CNOT1: variants seen among roughly 807,000 people sequenced by gnomAD.
The protein encoded by CNOT1 is CCR4-NOT transcription complex subunit 1, also known as CCR4-associated factor 1.
A neutral mutation model predicts 273.8 loss-of-function variants in CNOT1; 15 were observed. That is an observed-to-expected ratio of 0.05 (90% CI 0.04 to 0.08). The LOEUF (loss-of-function observed/expected upper bound fraction) is 0.08, where lower values mean the gene tolerates loss of function less well. CNOT1 is among the 10% of genes least tolerant of loss of function. The pLI is 1.00. For synonymous variants in CNOT1, 1,022 were observed against 1,005.5 expected (o/e 1.02, Z -0.31); for missense variants, 1,644 against 2,912.2 (o/e 0.56, Z 10.02).
At chr16:58,603,407 AAGTGTG>A (rs1458586481) in intron 1 of CNOT1, among the ~76,000 whole-genome samples, 15,604 of 126,208 alleles carry the variant, frequency 0.12, 1,144 homozygotes, top group Non-Finnish European at 0.16. Context: ...TACAATTTAA[AAGTGTG>A]TGTGTGTGTG....
At chr16:58,546,589 C>A in intron 28 of CNOT1, 83 bp downstream of exon 28, 1 of 1,608,264 alleles carries the variant, frequency 6.2e-7, no homozygotes, top group East Asian at 2.2e-5. Flanking sequence ...ATAGTACTTC[C>A]CCCGAAATAC....
chr16:58,545,009 C>A (rs1470616622), intron 30 of CNOT1, among the ~76,000 whole-genome samples: 1 of 152,134 alleles, frequency 6.6e-6, no homozygotes, highest in African/African-American at 2.4e-5. Flanking sequence ...TGGCTTACTG[C>A]AGAAGGCTAA....
rs1308243969 is a variant in CNOT1 at position 58,520,520 on chromosome 16, A to G, written c.*438T>C. On this transcript the variant is annotated 3_prime_UTR_variant, in exon 49 of 49. Transcript: ENST00000317147. ...CCTGTCCACATTAAAAAAATAAGTT[A>G]CATAATATTCAAACTGGCTTTTTGC... 5.8e-6 allele frequency: 1 copy of G among 171,784 alleles called. No individual in the cohort carries two copies. Among genetic ancestry groups the G allele is most frequent in the African/African-American group, 2.4e-5 (1 of 42,074 alleles). 10.6% of individuals were successfully genotyped at this position (171,784 alleles called of 1,614,324 possible).
intron 23 of CNOT1, 23 bp from the exon 24 acceptor site, chr16:58,551,295 A>G (rs920367564): frequency 3.9e-6 from 6 of 1,549,394 alleles, no homozygotes; most frequent in Admixed American, 2.2e-5. Context: ...AATAAAGTAC[A>G]TAAGGCAAAT....
At chr16:58,535,717 T>C (rs1359429193) in intron 39 of CNOT1, among the ~76,000 whole-genome samples, 1 of 152,078 alleles carries the variant, frequency 6.6e-6, no homozygotes, top group African/African-American at 2.4e-5. Flanking sequence ...TTTTGAAAAG[T>C]AAACCTAATT....
rs2151904602 is a variant in CNOT1, at chr16:58,532,351, A to G, written c.5940T>C (p.Val1980=). The G allele has an allele frequency of 1.9e-6, 3 of 1,614,210 alleles. No individual in the cohort carries two copies. The highest frequency in any genetic ancestry group is 2.2e-5 in the South Asian group (2 of 91,082). ...GAAGTTGCTGAAATTCACTCTGACG[A>G]ACATCATGATCCTGAAGGAGAACTC... ...VVGVLLQDHD[V]RQSEFQQLPY... is the part of the protein sequence containing the mutation. The change falls in exon 41 of 49, where the codon GTT becomes GTC. Residue 1980 remains valine (V), a synonymous_variant. Transcript: ENST00000317147.
chr16:58,623,607 G>A (rs1410252299), intron 1 of CNOT1, among the ~76,000 whole-genome samples: 1 of 152,190 alleles, frequency 6.6e-6, no homozygotes, highest in Non-Finnish European at 1.5e-5. Context: ...GAGGCACAGT[G>A]TAGCCAGGGG....
chr16:58,543,182 C>A, intron 31 of CNOT1: 4 of 1,455,756 alleles, frequency 2.7e-6, no homozygotes, highest in South Asian at 1.3e-5. Context: ...AATTATTAAC[C>A]ATGATATCTG....
chr16:58,579,081 T>C, intron 12 of CNOT1, 142 bp from the exon 13 acceptor site: 2 of 1,423,110 alleles, frequency 1.4e-6, no homozygotes, highest in Non-Finnish European at 1.8e-6. Context: ...TCCACAGCAC[T>C]CTCTTTAAGA....
intron 4 of CNOT1, 74 bp downstream of exon 4, chr16:58,587,706 T>A: frequency 6.8e-7 from 1 of 1,478,956 alleles, no homozygotes; most frequent in Non-Finnish European, 9.2e-7. Context: ...CATCACATTA[T>A]GAGATCAAGG....
chr16:58,545,287 G>GT, intron 30 of CNOT1, 74 bp downstream of exon 30: 1 of 1,581,318 alleles, frequency 6.3e-7, no homozygotes, highest in Non-Finnish European at 8.6e-7. Context: ...GCAAAGAGCT[G>GT]AAGAAAAGGT....
intron 14 of CNOT1, 48 bp downstream of exon 14, chr16:58,576,415 T>C: frequency 1.2e-6 from 2 of 1,610,612 alleles, no homozygotes; most frequent in Middle Eastern, 1.7e-4. Context: ...CCGGCCTTTT[T>C]TTCTCATTAG....
chr16:58,521,716 C>A (rs1428682952), intron 47 of CNOT1, among the ~76,000 whole-genome samples: 3 of 152,096 alleles, frequency 2.0e-5, no homozygotes, highest in Non-Finnish European at 2.9e-5. Flanking sequence ...CTTTGGGAGG[C>A]CGAGGCAGGT....
intron 1 of CNOT1, among the ~76,000 whole-genome samples, chr16:58,622,094 C>T (rs1597622688): frequency 2.0e-5 from 3 of 150,676 alleles, no homozygotes; most frequent in Admixed American, 6.7e-5. Flanking sequence ...GGGTGGATCA[C>T]GAGGTCAGGA....
intron 27 of CNOT1, 52 bp from the exon 28 acceptor site, chr16:58,546,801 GATT>G: frequency 6.2e-7 from 1 of 1,608,680 alleles, no homozygotes; most frequent in Non-Finnish European, 8.5e-7. Flanking sequence ...CTTTAATTTG[GATT>G]ATTTAAAACA....
chr16:58,577,940 A>C (rs2041518108), intron 13 of CNOT1, among the ~76,000 whole-genome samples: 1 of 152,206 alleles, frequency 6.6e-6, no homozygotes, highest in Non-Finnish European at 1.5e-5. Context: ...GGTAAAAAGC[A>C]CAGGGGCTTG....
intron 47 of CNOT1, 108 bp downstream of exon 47, chr16:58,523,262 A>G (rs563366105): frequency 1.6e-6 from 2 of 1,272,594 alleles, no homozygotes; most frequent in Non-Finnish European, 2.1e-6. Flanking sequence ...CAAAAAAAAA[A>G]CCAACCAAAC....
intron 22 of CNOT1, 94 bp downstream of exon 22, chr16:58,553,688 T>G: frequency 7.1e-7 from 1 of 1,409,828 alleles, no homozygotes; most frequent in Non-Finnish European, 9.3e-7. Flanking sequence ...GAAATCTTAA[T>G]GCCATTACTA....
chr16:58,536,031 G>A (rs182070155), intron 39 of CNOT1, among the ~76,000 whole-genome samples: 1 of 152,268 alleles, frequency 6.6e-6, no homozygotes, highest in Admixed American at 6.5e-5. Context: ...ACAGCACCTG[G>A]CTGAAAAGTA....
Sources: allele counts gnomAD v4.1 joint callset (sites outside exome capture counted in the v4.1 genomes callset), GRCh38; gene constraint gnomAD v4.1.1; transcripts MANE v1.5; gene names NCBI Gene and HGNC (gene_info 2026-07-23, HGNC 2026-07-21).